SLC10A7: variants seen among roughly 807,000 people sequenced by gnomAD.
SLC10A7 encodes solute carrier family 10 member 7.
A neutral mutation model predicts 43.2 loss-of-function variants in SLC10A7; 29 were observed. That is an observed-to-expected ratio of 0.67 (90% CI 0.50 to 0.92). The LOEUF (loss-of-function observed/expected upper bound fraction) is 0.92. Ranked by LOEUF, SLC10A7 falls within the 40% of genes least tolerant of loss-of-function variation. The probability of loss-of-function intolerance (pLI) is 0.00; values close to 1 mark genes in which losing one functional copy is unlikely to be tolerated. For synonymous variants in SLC10A7, 152 were observed against 144.8 expected, an observed-to-expected ratio of 1.05 and a Z score of -0.35; for missense variants, 295 against 403.2, an observed-to-expected ratio of 0.73 and a Z score of 2.30.
chr4:146,508,999 G>C (rs1737187889), intron 3 of SLC10A7, among the ~76,000 whole-genome samples: 2 of 152,076 alleles, frequency 1.3e-5, no homozygotes, highest in African/African-American at 4.8e-5. Context: ...AAACACAACA[G>C]GCTTGATCCT....
At chr4:146,319,920 T>A (rs1404596718) in intron 6 of SLC10A7, among the ~76,000 whole-genome samples, 1 of 151,950 alleles carries the variant, frequency 6.6e-6, no homozygotes, top group African/African-American at 2.4e-5. Context: ...GAAAAGACAG[T>A]TTATCTATAG....
intron 4 of SLC10A7, chr4:146,478,068 A>G (rs1231670497): frequency 1.3e-5 from 2 of 152,234 alleles, no homozygotes; most frequent in Non-Finnish European, 2.9e-5. Flanking sequence ...TATTCCAACA[A>G]AAGGGTTAAT....
At chr4:146,381,054 G>A (rs1737579570) in intron 5 of SLC10A7, among the ~76,000 whole-genome samples, 1 of 152,034 alleles carries the variant, frequency 6.6e-6, no homozygotes, top group Non-Finnish European at 1.5e-5. Context: ...ACAGATCCAG[G>A]TTTTGTGACC....
chr4:146,520,122 TTTAAAG>T (rs1242019091), intron 1 of SLC10A7, among the ~76,000 whole-genome samples: 1 of 152,194 alleles, frequency 6.6e-6, no homozygotes, highest in African/African-American at 2.4e-5. Flanking sequence ...CCCCTGCAGA[TTTAAAG>T]TTAAAGATCA....
chr4:146,260,205 A>C (rs1189719410), intron 10 of SLC10A7, among the ~76,000 whole-genome samples: 1 of 152,168 alleles, frequency 6.6e-6, no homozygotes, highest in Non-Finnish European at 1.5e-5. Flanking sequence ...CTTTTTTTAA[A>C]AAAAAGCTTT....
chr4:146,445,671 T>C (rs1234808431), intron 4 of SLC10A7, among the ~76,000 whole-genome samples: 2 of 151,986 alleles, frequency 1.3e-5, no homozygotes, highest in Non-Finnish European at 2.9e-5. Context: ...AAAAATCAGG[T>C]CACACAAACA....
At chr4:146,426,877 AAAAC>A (rs1377054017) in intron 5 of SLC10A7, among the ~76,000 whole-genome samples, 7 of 152,230 alleles carry the variant, frequency 4.6e-5, no homozygotes, top group East Asian at 1.9e-4. Context: ...TCCGTCTCAA[AAAAC>A]AAACAAACAA....
chr4:146,518,282 T>G (rs3914629), intron 1 of SLC10A7, among the ~76,000 whole-genome samples: 119,960 of 152,140 alleles, frequency 0.79, 47,651 homozygotes, highest in East Asian at 0.95. Flanking sequence ...AATCTTACCC[T>G]CCATGGACAT....
intron 7 of SLC10A7, among the ~76,000 whole-genome samples, chr4:146,298,331 A>T (rs766988111): frequency 5.3e-4 from 81 of 152,304 alleles, no homozygotes; most frequent in Non-Finnish European, 1.0e-3. Context: ...TTTCTCTCAA[A>T]GCATTTTCAG....
At chr4:146,505,705 A>C (rs80172558) in intron 3 of SLC10A7, among the ~76,000 whole-genome samples, 124 of 152,310 alleles carry the variant, frequency 8.1e-4, no homozygotes, top group Middle Eastern at 3.4e-3. Flanking sequence ...TCTTCTTTCC[A>C]GATCTGTTTT....
chr4:146,456,109 C>T (rs936311236), intron 4 of SLC10A7, among the ~76,000 whole-genome samples: 4 of 150,240 alleles, frequency 2.7e-5, no homozygotes, highest in South Asian at 2.1e-4. Flanking sequence ...TCCAAAGGCA[C>T]AAGAAATTAG....
intron 5 of SLC10A7, among the ~76,000 whole-genome samples, chr4:146,421,592 C>T (rs1389427859): frequency 6.6e-6 from 1 of 152,170 alleles, no homozygotes; most frequent in Non-Finnish European, 1.5e-5. Flanking sequence ...TAATTTCCAC[C>T]AGCCACCAAG....
intron 5 of SLC10A7, among the ~76,000 whole-genome samples, chr4:146,365,253 A>C (rs540385548): frequency 3.9e-5 from 6 of 152,350 alleles, no homozygotes; most frequent in African/African-American, 1.4e-4. Context: ...CCTTTTATTT[A>C]TATAAACACT....
At chr4:146,295,470 G>C (rs1730718222) in intron 7 of SLC10A7, among the ~76,000 whole-genome samples, 1 of 152,148 alleles carries the variant, frequency 6.6e-6, no homozygotes, top group Non-Finnish European at 1.5e-5. Context: ...CCAAACCATA[G>C]TAATTTATCT....
intron 7 of SLC10A7, among the ~76,000 whole-genome samples, chr4:146,299,724 A>C (rs1327552261): frequency 6.6e-6 from 1 of 152,198 alleles, no homozygotes; most frequent in Non-Finnish European, 1.5e-5. Context: ...TTTGAAGAGT[A>C]GAAAAAGAAA....
At chr4:146,341,235 G>A (rs1326533434) in intron 5 of SLC10A7, among the ~76,000 whole-genome samples, 1 of 151,684 alleles carries the variant, frequency 6.6e-6, no homozygotes, top group African/African-American at 2.4e-5. Flanking sequence ...GAATTATCAG[G>A]AATTTAAATA....
chr4:146,275,503 T>C (rs1039246520), intron 10 of SLC10A7, among the ~76,000 whole-genome samples: 1 of 152,174 alleles, frequency 6.6e-6, no homozygotes, highest in Non-Finnish European at 1.5e-5. Context: ...TGGCATCATG[T>C]GACTTGGGCA....
chr4:146,259,900 C>A (rs1207506128), intron 10 of SLC10A7, among the ~76,000 whole-genome samples: 1 of 152,212 alleles, frequency 6.6e-6, no homozygotes, highest in African/African-American at 2.4e-5. Context: ...CTGATAACAG[C>A]CTCTGAAAAG....
intron 4 of SLC10A7, among the ~76,000 whole-genome samples, chr4:146,447,692 G>T (rs1731225663): frequency 6.6e-6 from 1 of 151,012 alleles, no homozygotes; most frequent in Admixed American, 6.6e-5. Context: ...TTCATATTGA[G>T]ATTTTTTTTA....
Sources: allele counts gnomAD v4.1 joint callset (sites outside exome capture counted in the v4.1 genomes callset), GRCh38; gene constraint gnomAD v4.1.1; transcripts MANE v1.5; gene names NCBI Gene and HGNC (gene_info 2026-07-23, HGNC 2026-07-21).